Variants in PRR16 observed in about 807,000 individuals in gnomAD.
PRR16 encodes the protein protein Largen.
Under a neutral mutation model 18.2 loss-of-function variants are expected in PRR16, and 6 were observed. The ratio of observed to expected loss-of-function variants is 0.33; its 90% CI spans 0.18 to 0.65. The LOEUF is 0.65. Among genes scored for constraint, PRR16 ranks in the 30% least tolerant of loss-of-function variants. The probability of loss-of-function intolerance (pLI) is 0.74; values close to 1 mark genes in which losing one functional copy is unlikely to be tolerated. For synonymous variants in PRR16, 151 were observed against 147.8 expected (o/e 1.02, Z -0.16); for missense variants, 412 against 376.6 (o/e 1.09, Z -0.78).
the PRR16 span, among the ~76,000 whole-genome samples, chr5:120,748,479 A>T: frequency 6.6e-6 from 1 of 152,118 alleles, no homozygotes; most frequent in Non-Finnish European, 1.5e-5. Context: ...TAGCTTAAAA[A>T]AAGTATCTTT....
At chr5:120,780,950 T>G in the PRR16 span, among the ~76,000 whole-genome samples, 2 of 152,120 alleles carry the variant, frequency 1.3e-5, no homozygotes, top group African/African-American at 4.8e-5. Context: ...CTTGGGAGGC[T>G]GAGGCAGGAG....
At chr5:120,773,254 T>C in the PRR16 span, among the ~76,000 whole-genome samples, 1 of 152,106 alleles carries the variant, frequency 6.6e-6, no homozygotes, top group Non-Finnish European at 1.5e-5. Context: ...AACAATAAGG[T>C]ACAAGTGTAT....
chr5:120,573,516 A>G lies in PRR16; in HGVS notation c.159+108871A>G, dbSNP rs563317812. On this transcript the variant is annotated intron_variant, in intron 1 of 1. Transcript: ENST00000407149. ...GCTAATTTTATTGTGGCAATGCTGCAGCTCTCTCTTGGACTAATTTAGTAA... is the reference window on the plus strand; with the variant it reads ...GCTAATTTTATTGTGGCAATGCTGCGGCTCTCTCTTGGACTAATTTAGTAA... 5.4e-4 allele frequency among the ~76,000 whole-genome samples: 81 copies of G among 151,346 alleles called. 1 individual carries two copies. In the South Asian group the frequency reaches 0.017, roughly 31 times the overall value.
At chr5:120,537,886 C>T (rs1008191717) in intron 1 of PRR16, among the ~76,000 whole-genome samples, 1 of 149,946 alleles carries the variant, frequency 6.7e-6, no homozygotes, top group African/African-American at 2.4e-5. Flanking sequence ...ACGCCATTCT[C>T]CTGCCTCAGC....
the PRR16 span, chr5:120,790,297 G>C: frequency 1.3e-5 from 2 of 152,114 alleles, no homozygotes; most frequent in African/African-American, 2.4e-5. Context: ...AACTCATCTT[G>C]TTTCACTTTG....
chr5:120,755,650 G>A, the PRR16 span, among the ~76,000 whole-genome samples: 227 of 152,172 alleles, frequency 1.5e-3, 1 homozygote, highest in Middle Eastern at 3.4e-3. Flanking sequence ...CACCTAGGTT[G>A]ATTTTATGTC....
chr5:120,759,583 T>C, the PRR16 span, among the ~76,000 whole-genome samples: 2 of 152,132 alleles, frequency 1.3e-5, no homozygotes, highest in Non-Finnish European at 2.9e-5. Flanking sequence ...AGTAATTAAA[T>C]TTTATGATAT....
chr5:120,530,254 AATATATATATATATATATAT>A lies in PRR16; in HGVS notation c.159+65620_159+65639del, dbSNP rs3047950. Among the ~76,000 whole-genome samples the A allele has an allele frequency of 2.5e-4, 27 of 106,714 alleles. No individual in the cohort carries two copies. In the East Asian group the frequency reaches 3.0e-3, roughly 12 times the overall value. The allele number at this position is 106,714 out of a possible 152,430, so 70.0% of individuals were successfully genotyped here. A position where few individuals can be genotyped will look rare whatever the true frequency, so the allele number is the denominator to read the frequency against. ...TGCTGTTTTACCTGAAGTGTGTGTA[AATATATATATATATATATAT>A]ATATATATATTTATTTATTTATTTA... On this transcript the variant is annotated intron_variant, in intron 1 of 1. Coordinates refer to ENST00000407149, the MANE Select transcript of PRR16 (RefSeq NM_001300783.2).
chr5:120,510,849 A>T (rs1750803648), intron 1 of PRR16, among the ~76,000 whole-genome samples: 1 of 152,178 alleles, frequency 6.6e-6, no homozygotes, highest in African/African-American at 2.4e-5. Flanking sequence ...TCAGATTATG[A>T]TCCTGGTTCT....
At chr5:120,620,394 T>C (rs1193878647) in intron 1 of PRR16, among the ~76,000 whole-genome samples, 2 of 152,126 alleles carry the variant, frequency 1.3e-5, no homozygotes, top group Non-Finnish European at 2.9e-5. Flanking sequence ...CAGGAAAATG[T>C]GCTTATGAGG....
chr5:120,662,160 A>G (rs939794664), intron 1 of PRR16, among the ~76,000 whole-genome samples: 1 of 152,140 alleles, frequency 6.6e-6, no homozygotes, highest in Non-Finnish European at 1.5e-5. Flanking sequence ...ATCTTTTATT[A>G]AGGTATATTT....
chr5:120,685,454 T>C (rs1757090035), intron 1 of PRR16, among the ~76,000 whole-genome samples: 1 of 152,202 alleles, frequency 6.6e-6, no homozygotes, highest in Non-Finnish European at 1.5e-5. Flanking sequence ...TTTCTGTATA[T>C]CCTCAGAGGG....
At chr5:120,576,430 A>G (rs1418315275) in intron 1 of PRR16, among the ~76,000 whole-genome samples, 1 of 152,172 alleles carries the variant, frequency 6.6e-6, no homozygotes, top group African/African-American at 2.4e-5. Flanking sequence ...AATATCACTA[A>G]TCATTAGGGA....
intron 1 of PRR16, among the ~76,000 whole-genome samples, chr5:120,603,962 T>C (rs1466397556): frequency 1.3e-5 from 2 of 152,024 alleles, no homozygotes. Flanking sequence ...GAGAATTGCT[T>C]TGTGGCTGAG....
chr5:120,791,910 A>T, the PRR16 span, among the ~76,000 whole-genome samples: 1 of 152,120 alleles, frequency 6.6e-6, no homozygotes, highest in African/African-American at 2.4e-5. Context: ...GAAGAAAATT[A>T]GTTTGTTTTG....
At chr5:120,518,092 C>G in intron 1 of PRR16, among the ~76,000 whole-genome samples, 1 of 152,052 alleles carries the variant, frequency 6.6e-6, no homozygotes, top group Admixed American at 6.6e-5. Context: ...TGTCTATGAC[C>G]CGGACATGTG....
chr5:120,617,523 GTTGT>G (rs1291810441), intron 1 of PRR16, among the ~76,000 whole-genome samples: 1 of 152,018 alleles, frequency 6.6e-6, no homozygotes, highest in Admixed American at 6.6e-5. Flanking sequence ...AGAAATATTT[GTTGT>G]TTGTTCAAAA....
chr5:120,568,193 T>C (rs1752795415), intron 1 of PRR16, among the ~76,000 whole-genome samples: 1 of 152,126 alleles, frequency 6.6e-6, no homozygotes, highest in Non-Finnish European at 1.5e-5. Context: ...TGAGCAGTAA[T>C]ACCAGTGATT....
the PRR16 span, among the ~76,000 whole-genome samples, chr5:120,775,085 T>C: frequency 6.6e-6 from 1 of 152,156 alleles, no homozygotes; most frequent in Non-Finnish European, 1.5e-5. Flanking sequence ...AGATTCCCAA[T>C]TGAATCCTTT....
Sources: allele counts gnomAD v4.1 joint callset (sites outside exome capture counted in the v4.1 genomes callset), GRCh38; gene constraint gnomAD v4.1.1; transcripts MANE v1.5; gene names NCBI Gene and HGNC (gene_info 2026-07-23, HGNC 2026-07-21).